COL18A1: variants seen among roughly 807,000 people sequenced by gnomAD.
The protein encoded by COL18A1 is collagen type XVIII alpha 1 chain, also known as collagen alpha-1(XVIII) chain.
Under a neutral mutation model 168.0 loss-of-function variants are expected in COL18A1, and 133 were observed. That is an observed-to-expected ratio of 0.79 (90% confidence interval 0.69 to 0.91). The LOEUF is 0.91. Ranked by LOEUF, COL18A1 falls within the 40% of genes least tolerant of loss-of-function variation. The probability of loss-of-function intolerance (pLI) is 0.00; values close to 1 mark genes in which losing one functional copy is unlikely to be tolerated. For missense variants in COL18A1, 2,126 were observed against 1,925.4 expected (o/e 1.10, Z -1.95); for synonymous variants, 949 against 809.0 (o/e 1.17, Z -2.94).
chr21:45,469,756 G>A (rs2035347745), intron 3 of COL18A1, among the ~76,000 whole-genome samples: 1 of 152,222 alleles, frequency 6.6e-6, no homozygotes, highest in Non-Finnish European at 1.5e-5. Flanking sequence ...GGGACAGAAG[G>A]TTAATTATTG....
chr21:45,500,449 G>T (rs2036730475), intron 32 of COL18A1, among the ~76,000 whole-genome samples: 1 of 135,090 alleles, frequency 7.4e-6, no homozygotes, highest in East Asian at 2.3e-4. Flanking sequence ...TGGCTATGGG[G>T]GTGCTGGGTG....
chr21:45,490,597 C>T (rs886786603), intron 20 of COL18A1, among the ~76,000 whole-genome samples: 10 of 151,250 alleles, frequency 6.6e-5, no homozygotes, highest in Admixed American at 6.6e-4. Context: ...TCCGTGTGCC[C>T]TCCCGGGTCC....
In COL18A1 at chr21:45,423,515, C is replaced by T. The variant is rs995275538; in HGVS notation, c.106+18042C>T. 3.4e-5 allele frequency among the ~76,000 whole-genome samples: 5 copies of T among 145,232 alleles called. No individual in the cohort carries two copies. Among genetic ancestry groups the T allele is most frequent in the Non-Finnish European group, 6.1e-5 (4 of 65,254 alleles). On this transcript the variant is annotated intron_variant, in intron 2 of 41. Coordinates refer to ENST00000651438, the MANE Select transcript of COL18A1 (RefSeq NM_001379500.1). The surrounding 1 kb of genome is among the most constrained non-coding windows in gnomAD (Gnocchi z 4.0). ...CCCCGCCCCCCGCCCCCCGGAGGGC[C>T]CGGCTCCAAGGGTCATATGAGTGGA... is the stretch of plus-strand genomic sequence containing the variant.
Position 45,475,463 on chromosome 21 carries a change from T to C in COL18A1, c.739-13T>C. On this transcript the variant is annotated splice_polypyrimidine_tract_variant and intron_variant, in intron 4 of 41. Transcript: ENST00000651438. ...TGCCATCTCTCCAGCCTTTCCCTTT[T>C]CAAACTCCTCAGGCATCCGGAGACT... 2.5e-6 allele frequency: 4 copies of C among 1,592,758 alleles called. No individual in the cohort carries two copies. In the East Asian group the frequency reaches 9.1e-5, roughly 36 times the overall value.
intron 5 of COL18A1, 91 bp from the exon 6 acceptor site, chr21:45,476,260 C>A (rs963006163): frequency 9.6e-6 from 15 of 1,564,576 alleles, no homozygotes; most frequent in Admixed American, 3.4e-5. Flanking sequence ...ATCTTTCTTG[C>A]GATCTTAAGT....
chr21:45,478,379 CTG>C (rs1447836442), intron 9 of COL18A1, 26 bp downstream of exon 9: 1 of 1,612,666 alleles, frequency 6.2e-7, no homozygotes, highest in Admixed American at 1.7e-5. Flanking sequence ...TTTCTGACCC[CTG>C]TGTTATCTGT....
At chr21:45,489,908 A>G (rs10154238) in intron 19 of COL18A1, among the ~76,000 whole-genome samples, 1 of 27,456 alleles carries the variant, frequency 3.6e-5, no homozygotes, top group Non-Finnish European at 6.3e-5. Context: ...CCCCACTTCC[A>G]CCTGCCCCAC....
At chr21:45,444,304 C>T (rs957332303) in intron 2 of COL18A1, among the ~76,000 whole-genome samples, 5 of 152,004 alleles carry the variant, frequency 3.3e-5, no homozygotes, top group Non-Finnish European at 5.9e-5. Flanking sequence ...GAATGAAGGG[C>T]CGTGTGCCCG....
chr21:45,507,814 G>T (rs2037313418), intron 38 of COL18A1, among the ~76,000 whole-genome samples: 1 of 152,202 alleles, frequency 6.6e-6, no homozygotes, highest in Non-Finnish European at 1.5e-5. Flanking sequence ...GCCTCACGAG[G>T]GAGCCCCTCT....
rs544238376 is a variant in COL18A1 at position 45,509,598 on chromosome 21, G to A, written c.3492G>A (p.Pro1164=). 110 of 1,460,604 alleles carry A rather than the reference G, an allele frequency of 7.5e-5. 1 individual carries two copies. Among genetic ancestry groups the A allele is most frequent in the South Asian group, 4.5e-4 (37 of 82,200 alleles). 90.5% of individuals were successfully genotyped at this position (1,460,604 alleles called of 1,614,324 possible). The part of the protein sequence containing the change: ...PPAHSHRDFQ[P]VLHLVALNSP... ...CCCACAGCCACCGCGACTTCCAGCCGGTGGTGAGTGCCCCCCCAAAGTGGG... is the reference window on the plus strand; with the variant it reads ...CCCACAGCCACCGCGACTTCCAGCCAGTGGTGAGTGCCCCCCCAAAGTGGG... The change falls in exon 39 of 42, where the codon CCG becomes CCA. Residue 1164 remains proline (P), a synonymous_variant. Transcript: ENST00000651438.
chr21:45,497,450 CCAG>C, intron 31 of COL18A1, 146 bp from the exon 32 acceptor site: 4 of 1,141,596 alleles, frequency 3.5e-6, no homozygotes, highest in Non-Finnish European at 5.0e-6. Context: ...CCCCTGCTCT[CCAG>C]CAGCTCCTAC....
rs755778352 is a variant in COL18A1, at chr21:45,468,792, C to T, written c.651+6C>T. ...CGGACCCTGACAAGTTCCAGGTAAC[C>T]CCCACTGTGCCGTCGCTGGGGGACT... is the stretch of plus-strand genomic sequence containing the variant. On this transcript the variant is annotated splice_donor_region_variant and intron_variant, in intron 3 of 41. Coordinates refer to ENST00000651438, the MANE Select transcript of COL18A1 (RefSeq NM_001379500.1). 5.0e-6 allele frequency: 8 copies of T among 1,584,978 alleles called. No individual in the cohort carries two copies. The highest frequency in any genetic ancestry group is 2.7e-5 in the African/African-American group (2 of 74,730).
chr21:45,491,110 G>A (rs908041506), intron 21 of COL18A1, 115 bp from the exon 22 acceptor site: 37 of 968,480 alleles, frequency 3.8e-5, no homozygotes, highest in Non-Finnish European at 5.0e-5. Context: ...CCACAGCCCC[G>A]GGCGCCTCCT....
chr21:45,486,922 C>T lies in COL18A1; in HGVS notation c.1763C>T (p.Pro588Leu), dbSNP rs1471743337. 5 of 1,514,598 alleles carry T rather than the reference C, an allele frequency of 3.3e-6. No individual in the cohort carries two copies. Among genetic ancestry groups the T allele is most frequent in the Non-Finnish European group, 3.5e-6 (4 of 1,132,786 alleles). 93.8% of individuals were successfully genotyped at this position (1,514,598 alleles called of 1,614,324 possible). ...GGGGAGAGCGGCCTGGCAGGAGCCC[C>T]CGGACCTGCTGGACCACCAGGCCCC... ...ARGESGLAGA[P>L]GPAGPPGPPG... Residue 588 changes from proline to leucine, a missense_variant, in exon 16 of 42, where the codon CCC becomes CTC. Physicochemically the swap from Pro to Leu is moderately conservative, Grantham distance 98. Transcript: ENST00000651438.
intron 16 of COL18A1, 29 bp from the exon 17 acceptor site, chr21:45,487,418 C>T (rs2036153170): frequency 6.2e-7 from 1 of 1,609,604 alleles, no homozygotes; most frequent in Non-Finnish European, 8.5e-7. Context: ...GGGACACAGG[C>T]CCCTACGTGT....
intron 3 of COL18A1, among the ~76,000 whole-genome samples, chr21:45,469,070 G>A (rs1232252716): frequency 2.0e-5 from 3 of 152,200 alleles, no homozygotes; most frequent in African/African-American, 7.2e-5. Context: ...GGCTTCCATG[G>A]TTTCTCTGAG....
At chr21:45,418,220 G>T (rs2033502759) in intron 2 of COL18A1, among the ~76,000 whole-genome samples, 1 of 152,236 alleles carries the variant, frequency 6.6e-6, no homozygotes, top group Non-Finnish European at 1.5e-5. Flanking sequence ...GAGCGGAGCT[G>T]GCCGGGTGCT....
At chr21:45,492,861 G>C (rs2036401747) in intron 24 of COL18A1, 148 bp downstream of exon 24, 1 of 770,262 alleles carries the variant, frequency 1.3e-6, no homozygotes, top group Non-Finnish European at 2.2e-6. Context: ...TGATGGGAGT[G>C]GGATGTGGGC....
At position 45,489,504 on chromosome 21, in the gene COL18A1, G is replaced by T; in HGVS notation, c.1942G>T (p.Gly648Trp). 1 of 1,602,886 alleles carries T rather than the reference G, an allele frequency of 6.2e-7. No homozygotes were observed. Residue 648 changes from glycine (G) to tryptophan (W), a missense_variant, in exon 19 of 42, where the codon GGG (glycine) becomes TGG (tryptophan). By Grantham distance (184) the Gly-to-Trp change is radical. Coordinates refer to ENST00000651438, the MANE Select transcript of COL18A1 (RefSeq NM_001379500.1). ...PGLKGDPGVPGLPGAKGEVGA... is the reference protein window; with the variant it reads ...PGLKGDPGVPWLPGAKGEVGA... ...CACTTAGGGGGATCCTGGCGTGCCT[G>T]GGCTGCCGGGGGCGAAGGTAAGCGC...
Sources: gnomAD v4.1 joint callset for allele counts (sites outside exome capture counted in the v4.1 genomes callset) on GRCh38, gnomAD v4.1.1 for gene constraint, Gnocchi (gnomAD v3.1) non-coding constraint, MANE v1.5 for transcripts, NCBI Gene and HGNC (gene_info 2026-07-23, HGNC 2026-07-21) for gene names.